The following C1orf21 variants were observed in gnomAD, a reference collection of about 807,000 sequenced individuals.
The protein encoded by C1orf21 is uncharacterized protein C1orf21.
Under a neutral mutation model 18.7 loss-of-function variants are expected in C1orf21, and 3 were observed. The observed-to-expected ratio is 0.16, with a 90% CI of 0.07 to 0.42. C1orf21 has a LOEUF of 0.42. Among genes scored for constraint, C1orf21 ranks in the 10% least tolerant of loss-of-function variants. C1orf21 has a pLI of 0.99. For synonymous variants in C1orf21, 41 were observed against 46.4 expected (o/e 0.88, Z 0.47); for missense variants, 104 against 143.6 (o/e 0.72, Z 1.41).
chr1:184,610,222 T>G (rs1659708542), intron 5 of C1orf21, among the ~76,000 whole-genome samples: 1 of 152,258 alleles, frequency 6.6e-6, no homozygotes, highest in African/African-American at 2.4e-5. Context: ...GAAATTCAAA[T>G]TTCAGTGTCC....
At chr1:184,510,063 A>C (rs1021639006) in intron 3 of C1orf21, among the ~76,000 whole-genome samples, 1 of 152,252 alleles carries the variant, frequency 6.6e-6, no homozygotes, top group African/African-American at 2.4e-5. Context: ...AGAGTTAGGC[A>C]TCATCATACA....
At chr1:184,524,947 A>G (rs1258173803) in intron 3 of C1orf21, among the ~76,000 whole-genome samples, 6 of 152,142 alleles carry the variant, frequency 3.9e-5, no homozygotes, top group Non-Finnish European at 8.8e-5. Flanking sequence ...TTCTTAAAAT[A>G]TCCATTAGTC....
intron 1 of C1orf21, among the ~76,000 whole-genome samples, chr1:184,410,658 TATATA>T (rs1425654129): frequency 8.8e-3 from 68 of 7,742 alleles, no homozygotes; most frequent in Admixed American, 0.013. Context: ...TATATATATA[TATATA>T]TTTTTTTTTT....
At position 184,611,111 on chromosome 1, in the gene C1orf21, TA is replaced by T. The variant is rs533356320; in HGVS notation, c.328-8405del. On this transcript the variant is annotated intron_variant, in intron 5 of 5. Coordinates refer to ENST00000235307, the MANE Select transcript of C1orf21 (RefSeq NM_030806.4). ...CGAGACCTTTTTCCAGCTGAAACAA[TA>T]ACACGTGAGTCTAATTAGAATAAAG... Among the ~76,000 whole-genome samples the T allele has an allele frequency of 8.5e-5, 13 of 152,216 alleles. No homozygotes were observed. The South Asian group carries it at 2.5e-3, about 29-fold the overall frequency.
intron 1 of C1orf21, among the ~76,000 whole-genome samples, chr1:184,398,788 G>A (rs1019468012): frequency 5.9e-5 from 9 of 152,014 alleles, no homozygotes; most frequent in African/African-American, 1.4e-4. Flanking sequence ...GGTAAAATAT[G>A]GTATAAAATA....
intron 1 of C1orf21, among the ~76,000 whole-genome samples, chr1:184,468,794 C>T (rs1657446411): frequency 6.6e-6 from 1 of 152,094 alleles, no homozygotes; most frequent in African/African-American, 2.4e-5. Flanking sequence ...TGGCACACAC[C>T]TGTAATCCCA....
chr1:184,434,704 C>G (rs990257208), intron 1 of C1orf21, among the ~76,000 whole-genome samples: 2 of 152,038 alleles, frequency 1.3e-5, no homozygotes, highest in African/African-American at 4.8e-5. Flanking sequence ...GACAGGGTTC[C>G]AAAGAAGAGT....
At chr1:184,553,237 AG>A (rs1314014065) in intron 3 of C1orf21, among the ~76,000 whole-genome samples, 1 of 152,130 alleles carries the variant, frequency 6.6e-6, no homozygotes, top group East Asian at 1.9e-4. Context: ...CGTAAGTCCA[AG>A]GGGGGGAGAA....
intron 1 of C1orf21, among the ~76,000 whole-genome samples, chr1:184,475,371 G>T (rs1657554014): frequency 6.6e-6 from 1 of 151,786 alleles, no homozygotes; most frequent in East Asian, 1.9e-4. Flanking sequence ...CCTCTGAAAT[G>T]AACACACACA....
At chr1:184,513,268 A>T (rs1319291233) in intron 3 of C1orf21, among the ~76,000 whole-genome samples, 1 of 152,242 alleles carries the variant, frequency 6.6e-6, no homozygotes, top group Non-Finnish European at 1.5e-5. Context: ...TTCTTTCATT[A>T]CATTGAAATT....
chr1:184,440,988 G>T (rs1412664491), intron 1 of C1orf21, among the ~76,000 whole-genome samples: 1 of 152,182 alleles, frequency 6.6e-6, no homozygotes, highest in East Asian at 1.9e-4. Context: ...CCTATTTGAT[G>T]TTTTTTGTTT....
chr1:184,507,083 T>C (rs1231360609), intron 2 of C1orf21, among the ~76,000 whole-genome samples: 1 of 151,924 alleles, frequency 6.6e-6, no homozygotes, highest in East Asian at 1.9e-4. Flanking sequence ...AAGTCTCAAT[T>C]CTTCAGTTGT....
chr1:184,519,930 T>C (rs1658282523), intron 3 of C1orf21, among the ~76,000 whole-genome samples: 1 of 152,156 alleles, frequency 6.6e-6, no homozygotes, highest in South Asian at 2.1e-4. Context: ...GTTCTGAAAA[T>C]GGAGTTTATT....
chr1:184,551,964 C>A (rs895575223), intron 3 of C1orf21, among the ~76,000 whole-genome samples: 8 of 137,770 alleles, frequency 5.8e-5, no homozygotes, highest in South Asian at 2.2e-4. Flanking sequence ...AAAAAGGAAC[C>A]TTGAGGTGAT....
At chr1:184,427,319 T>C (rs1439655274) in intron 1 of C1orf21, among the ~76,000 whole-genome samples, 1 of 152,216 alleles carries the variant, frequency 6.6e-6, no homozygotes, top group Non-Finnish European at 1.5e-5. Flanking sequence ...TACTCCCATA[T>C]TAAAAAATAA....
At chr1:184,391,729 TC>T (rs1320414236) in intron 1 of C1orf21, among the ~76,000 whole-genome samples, 1 of 152,026 alleles carries the variant, frequency 6.6e-6, no homozygotes, top group Non-Finnish European at 1.5e-5. Flanking sequence ...TTTTTTTTTT[TC>T]GAGACAGAGT....
intron 3 of C1orf21, among the ~76,000 whole-genome samples, chr1:184,539,421 T>A (rs568559565): frequency 2.1e-4 from 32 of 152,346 alleles, no homozygotes; most frequent in African/African-American, 7.7e-4. Flanking sequence ...TTTGCATCAA[T>A]GTTCATAAGA....
intron 1 of C1orf21, among the ~76,000 whole-genome samples, chr1:184,475,772 TG>T (rs1443235344): frequency 1.2e-4 from 18 of 151,648 alleles, no homozygotes; most frequent in African/African-American, 3.9e-4. Flanking sequence ...TGTGTGTGTG[TG>T]TGTGTGTGTC....
chr1:184,526,804 A>G (rs539641689), intron 3 of C1orf21, among the ~76,000 whole-genome samples: 11 of 152,238 alleles, frequency 7.2e-5, no homozygotes, highest in Non-Finnish European at 1.5e-4. Flanking sequence ...CCCTTCATTC[A>G]TTCATTCATT....
Sources: gnomAD v4.1 joint callset for allele counts (sites outside exome capture counted in the v4.1 genomes callset) on GRCh38, gnomAD v4.1.1 for gene constraint, MANE v1.5 for transcripts, NCBI Gene and HGNC (gene_info 2026-07-23, HGNC 2026-07-21) for gene names.